The following LRRC4C variants were observed in gnomAD, a reference collection of about 807,000 sequenced individuals.
The protein encoded by LRRC4C is leucine rich repeat containing 4C.
A neutral mutation model predicts 33.6 loss-of-function variants in LRRC4C; 5 were observed. The ratio of observed to expected loss-of-function variants is 0.15; its 90% CI spans 0.08 to 0.31. LRRC4C has a LOEUF of 0.31. Ranked by LOEUF, LRRC4C falls within the 10% of genes least tolerant of loss-of-function variation. The pLI, the probability that LRRC4C is intolerant of heterozygous loss-of-function variation, is 1.00. For synonymous variants in LRRC4C, 329 were observed against 302.0 expected (o/e 1.09, Z -0.93); for missense variants, 560 against 796.7 (o/e 0.70, Z 3.58).
At chr11:40,463,300 T>C (rs1359341219) in intron 3 of LRRC4C, among the ~76,000 whole-genome samples, 4 of 137,604 alleles carry the variant, frequency 2.9e-5, no homozygotes, top group African/African-American at 1.1e-4. Flanking sequence ...TGCGTATGTG[T>C]TACTGGTGTG....
rs1240842141 is a variant in LRRC4C at position 41,320,273 on chromosome 11, C to T, written c.-496+139158G>A. ...CTTCAAATGTTAGATTCATAACTGACCATAACCATGATTTAGCCGATGGTA... is the reference window on the plus strand; with the variant it reads ...CTTCAAATGTTAGATTCATAACTGATCATAACCATGATTTAGCCGATGGTA... On this transcript the variant is annotated intron_variant, in intron 1 of 6. Transcript: ENST00000528697. Among the ~76,000 whole-genome samples the T allele has an allele frequency of 2.6e-5, 4 of 152,280 alleles. No homozygotes were observed. In the East Asian group the frequency reaches 5.8e-4, roughly 22 times the overall value.
chr11:40,769,610 T>C (rs914847500), intron 2 of LRRC4C, among the ~76,000 whole-genome samples: 1 of 152,162 alleles, frequency 6.6e-6, no homozygotes, highest in Non-Finnish European at 1.5e-5. Context: ...CAAAGCAGTA[T>C]GTTACCTGCA....
At chr11:41,334,894 A>G (rs926529228) in intron 1 of LRRC4C, among the ~76,000 whole-genome samples, 1 of 151,578 alleles carries the variant, frequency 6.6e-6, no homozygotes, top group Non-Finnish European at 1.5e-5. Context: ...ACAAACAAAC[A>G]AAAAACCACA....
intron 2 of LRRC4C, among the ~76,000 whole-genome samples, chr11:40,909,238 A>T (rs1395286477): frequency 6.6e-6 from 1 of 152,104 alleles, no homozygotes; most frequent in Non-Finnish European, 1.5e-5. Context: ...TCTTTTAGGT[A>T]AGATTCTATT....
intron 1 of LRRC4C, among the ~76,000 whole-genome samples, chr11:41,067,015 G>A (rs1169013759): frequency 6.6e-6 from 1 of 152,156 alleles, no homozygotes; most frequent in Non-Finnish European, 1.5e-5. Context: ...CAACTAGTGT[G>A]CAAAATAACC....
chr11:40,785,788 G>A (rs796132444), intron 2 of LRRC4C, among the ~76,000 whole-genome samples: 9 of 152,150 alleles, frequency 5.9e-5, no homozygotes, highest in Non-Finnish European at 7.4e-5. Context: ...AAAATTGACC[G>A]CTCACTCCAA....
intron 1 of LRRC4C, among the ~76,000 whole-genome samples, chr11:41,120,425 A>G (rs1942362013): frequency 6.6e-6 from 1 of 152,130 alleles, no homozygotes; most frequent in Non-Finnish European, 1.5e-5. Flanking sequence ...ATGGCAGATC[A>G]TTATATATGG....
At chr11:41,387,147 C>T (rs760323589) in intron 1 of LRRC4C, among the ~76,000 whole-genome samples, 50 of 151,510 alleles carry the variant, frequency 3.3e-4, no homozygotes, top group Non-Finnish European at 5.5e-4. Context: ...CTGATAAAAG[C>T]TTTTTTTCTC....
At chr11:40,806,978 C>CT (rs200359405) in intron 2 of LRRC4C, among the ~76,000 whole-genome samples, 2,028 of 152,154 alleles carry the variant, frequency 0.013, 45 homozygotes, top group African/African-American at 0.046. Flanking sequence ...AACTGCTCTA[C>CT]TTTTTTTCTC....
chr11:40,824,184 G>T (rs1344154202), intron 2 of LRRC4C, among the ~76,000 whole-genome samples: 1 of 151,700 alleles, frequency 6.6e-6, no homozygotes, highest in Admixed American at 6.6e-5. Context: ...AAATTTGGGG[G>T]TTGATTGAAA....
intron 1 of LRRC4C, among the ~76,000 whole-genome samples, chr11:41,414,349 C>A (rs1481590226): frequency 1.3e-5 from 2 of 152,104 alleles, no homozygotes; most frequent in African/African-American, 4.8e-5. Context: ...TAAACCATTT[C>A]TTTACTATGC....
rs71466923 is a variant in LRRC4C at position 41,163,284 on chromosome 11, G to GTTTTTTTTTT, written c.-495-229571_-495-229562dup. Among the ~76,000 whole-genome samples the GTTTTTTTTTT allele has an allele frequency of 1.0e-3, 77 of 73,366 alleles. 21 individuals carry two copies. Among genetic ancestry groups the GTTTTTTTTTT allele is most frequent in the African/African-American group, 2.6e-3 (52 of 19,860 alleles). The allele number at this position is 73,366 out of a possible 152,430, so 48.1% of individuals were successfully genotyped here. A position where few individuals can be genotyped will look rare whatever the true frequency, so the allele number is the denominator to read the frequency against. ...GTAATAAACTTAGTTTACTGTAACT[G>GTTTTTTTTTT]TTTTTTTTTTTTTTTTTCAAACAGG... On this transcript the variant is annotated intron_variant, in intron 1 of 6. Transcript: ENST00000528697.
intron 3 of LRRC4C, among the ~76,000 whole-genome samples, chr11:40,455,287 G>A (rs1368258563): frequency 1.3e-5 from 2 of 152,180 alleles, no homozygotes; most frequent in African/African-American, 2.4e-5. Context: ...ACTAGTTCCA[G>A]ATGGAAGCAG....
At chr11:41,330,217 C>G (rs191028741) in intron 1 of LRRC4C, among the ~76,000 whole-genome samples, 1 of 152,312 alleles carries the variant, frequency 6.6e-6, no homozygotes, top group Admixed American at 6.5e-5. Context: ...CTTATTGTAA[C>G]TGTGCAGGAG....
At chr11:41,374,955 G>A (rs12291346) in intron 1 of LRRC4C, among the ~76,000 whole-genome samples, 2,566 of 151,900 alleles carry the variant, frequency 0.017, 71 homozygotes, top group African/African-American at 0.058. Context: ...GCAAAATCCC[G>A]TCTCTACTAA....
intron 3 of LRRC4C, among the ~76,000 whole-genome samples, chr11:40,607,103 C>G (rs1490883765): frequency 6.6e-6 from 1 of 152,202 alleles, no homozygotes; most frequent in Non-Finnish European, 1.5e-5. Context: ...AGTAATGTAT[C>G]TGGCAAATCA....
chr11:41,037,465 A>C (rs550686892), intron 1 of LRRC4C, among the ~76,000 whole-genome samples: 1 of 152,128 alleles, frequency 6.6e-6, no homozygotes, highest in South Asian at 2.1e-4. Flanking sequence ...TTGGCCTCCC[A>C]AAGTGTGAGA....
intron 3 of LRRC4C, among the ~76,000 whole-genome samples, chr11:40,602,091 C>T (rs867941799): frequency 5.4e-5 from 8 of 148,806 alleles, no homozygotes; most frequent in Admixed American, 1.4e-4. Flanking sequence ...GCTACTTGGG[C>T]GGCTGAGGCA....
chr11:40,519,635 G>A (rs1955724057), intron 3 of LRRC4C, among the ~76,000 whole-genome samples: 1 of 152,198 alleles, frequency 6.6e-6, no homozygotes, highest in Non-Finnish European at 1.5e-5. Flanking sequence ...CTTCATATTA[G>A]CAATAGGCTG....
Sources: allele counts gnomAD v4.1 joint callset (sites outside exome capture counted in the v4.1 genomes callset), GRCh38; gene constraint gnomAD v4.1.1; transcripts MANE v1.5; gene names NCBI Gene and HGNC (gene_info 2026-07-23, HGNC 2026-07-21).